Variants in CLOCK observed in about 807,000 individuals in gnomAD.
The protein encoded by CLOCK is clock circadian regulator.
A neutral mutation model predicts 118.4 loss-of-function variants in CLOCK; 43 were observed. The observed-to-expected ratio is 0.36, with a 90% CI of 0.28 to 0.47. The LOEUF is 0.47. CLOCK is among the 20% of genes least tolerant of loss of function. The pLI, the probability that CLOCK is intolerant of heterozygous loss-of-function variation, is 1.00. For synonymous variants in CLOCK, 326 were observed against 339.2 expected (o/e 0.96, Z 0.43); for missense variants, 846 against 999.9 (o/e 0.85, Z 2.08).
chr4:55,513,366 CTA>C (rs1348268161), intron 1 of CLOCK, among the ~76,000 whole-genome samples: 36 of 152,082 alleles, frequency 2.4e-4, no homozygotes, highest in South Asian at 2.1e-4. Flanking sequence ...TAAATATACT[CTA>C]TGTTATTTGA....
chr4:55,507,940 G>A (rs1247130353), intron 2 of CLOCK, among the ~76,000 whole-genome samples: 1 of 152,138 alleles, frequency 6.6e-6, no homozygotes, highest in East Asian at 1.9e-4. Flanking sequence ...TTTTCAGACA[G>A]TAAAGGTATT....
intron 4 of CLOCK, 66 bp downstream of exon 4, chr4:55,482,673 C>A: frequency 9.4e-7 from 1 of 1,063,186 alleles, no homozygotes; most frequent in South Asian, 1.5e-5. Flanking sequence ...TTCATATAGA[C>A]CATTATTCTA....
chr4:55,538,973 T>G (rs1484146551), intron 1 of CLOCK, among the ~76,000 whole-genome samples: 1 of 152,210 alleles, frequency 6.6e-6, no homozygotes, highest in Non-Finnish European at 1.5e-5. Flanking sequence ...GGCTCATGCC[T>G]GTAATCCTAG....
chr4:55,510,128 G>C (rs1319336865), intron 1 of CLOCK, 63 bp from the exon 2 acceptor site: 1 of 152,138 alleles, frequency 6.6e-6, no homozygotes, highest in Non-Finnish European at 1.5e-5. Context: ...ATTATCACTA[G>C]TATTTTTGTT....
rs1016031959 is a variant in CLOCK at position 55,448,583 on chromosome 4, T to TGCGC, written c.1539+192_1539+195dup. Among the ~76,000 whole-genome samples the TGCGC allele has an allele frequency of 1.2e-3, 127 of 106,038 alleles. 1 individual carries two copies. The highest frequency in any genetic ancestry group is 8.8e-4 in the Non-Finnish European group (43 of 48,822). 69.6% of individuals were successfully genotyped at this position (106,038 alleles called of 152,430 possible). On this transcript the variant is annotated intron_variant, in intron 18 of 22. Transcript: ENST00000513440. ...GCATCTGTAACTATAATTATATATGTGCGCGCGCGCACGCGCGCGTGTGTG... is the reference window on the plus strand; with the variant it reads ...GCATCTGTAACTATAATTATATATGTGCGCGCGCGCGCGCACGCGCGCGTGTGTG...
At chr4:55,545,541 T>C (rs1731557307) in intron 1 of CLOCK, 1 of 152,192 alleles carries the variant, frequency 6.6e-6, no homozygotes, top group Non-Finnish European at 1.5e-5. Flanking sequence ...AAAATTTTTT[T>C]ATTTTTTAAA....
intron 2 of CLOCK, among the ~76,000 whole-genome samples, chr4:55,507,124 A>C (rs904780170): frequency 1.3e-5 from 2 of 152,056 alleles, no homozygotes; most frequent in Non-Finnish European, 2.9e-5. Flanking sequence ...GAGCAGCCTA[A>C]GCAGCATAGT....
At chr4:55,444,913 CT>C in intron 18 of CLOCK, 128 bp from the exon 19 acceptor site, 1 of 952,020 alleles carries the variant, frequency 1.1e-6, no homozygotes, top group Non-Finnish European at 1.6e-6. Flanking sequence ...AGTTATGTCC[CT>C]TAGTTTCTAA....
chr4:55,519,500 C>T (rs1729725122), intron 1 of CLOCK, among the ~76,000 whole-genome samples: 1 of 152,080 alleles, frequency 6.6e-6, no homozygotes, highest in Admixed American at 6.6e-5. Flanking sequence ...GAATAAATGT[C>T]ATTGGACCAG....
intron 9 of CLOCK, among the ~76,000 whole-genome samples, chr4:55,460,619 ATATGTATTCAT>A (rs1275859721): frequency 6.6e-6 from 1 of 152,156 alleles, no homozygotes; most frequent in Non-Finnish European, 1.5e-5. Context: ...GGTAACCGAA[ATATGTATTCAT>A]TATGCCTCCA....
chr4:55,481,671 T>G (rs1726943578), intron 4 of CLOCK, among the ~76,000 whole-genome samples: 2 of 150,616 alleles, frequency 1.3e-5, no homozygotes, highest in African/African-American at 4.9e-5. Flanking sequence ...AAAAGTCACT[T>G]CTGTGTACAA....
At chr4:55,476,350 A>T (rs1435180624) in intron 6 of CLOCK, among the ~76,000 whole-genome samples, 1 of 152,138 alleles carries the variant, frequency 6.6e-6, no homozygotes, top group Non-Finnish European at 1.5e-5. Context: ...TGACACAATG[A>T]CCAAAGAAGA....
At chr4:55,441,267 A>C (rs1418021720) in intron 21 of CLOCK, among the ~76,000 whole-genome samples, 2 of 152,202 alleles carry the variant, frequency 1.3e-5, no homozygotes, top group East Asian at 1.9e-4. Flanking sequence ...GTCAAAAAAC[A>C]ATAATGTTGG....
intron 2 of CLOCK, among the ~76,000 whole-genome samples, chr4:55,496,234 A>C (rs58476959): frequency 0.29 from 43,892 of 151,276 alleles, 6,514 homozygotes; most frequent in South Asian, 0.38. Context: ...AAAACTGACA[A>C]TATAGCTCTA....
chr4:55,433,483 GGC>G lies in CLOCK; in HGVS notation c.*1930_*1931del, dbSNP rs1261060297. 1 of 152,288 alleles carries G rather than the reference GGC, an allele frequency of 6.6e-6. No homozygotes were observed. Among genetic ancestry groups the G allele is most frequent in the Non-Finnish European group, 1.5e-5 (1 of 68,038 alleles). 9.4% of individuals were successfully genotyped at this position (152,288 alleles called of 1,614,324 possible). On this transcript the variant is annotated 3_prime_UTR_variant, in exon 23 of 23. Transcript: ENST00000513440. ...AGAGGACAGAGAAGTCTTAAGAACT[GGC>G]TTAGCATTCCCCTGACCTCTTTACC...
chr4:55,528,395 A>G (rs946645664), intron 1 of CLOCK, among the ~76,000 whole-genome samples: 2 of 152,076 alleles, frequency 1.3e-5, no homozygotes, highest in African/African-American at 4.8e-5. Context: ...TTTAAGGGTG[A>G]AGTGACTATT....
At chr4:55,506,716 C>T (rs1020975006) in intron 2 of CLOCK, among the ~76,000 whole-genome samples, 1 of 152,042 alleles carries the variant, frequency 6.6e-6, no homozygotes, top group African/African-American at 2.4e-5. Context: ...CCCGCCACCA[C>T]ACCTGGCTAA....
chr4:55,460,123 T>C (rs2109806212), intron 9 of CLOCK, among the ~76,000 whole-genome samples: 1 of 152,326 alleles, frequency 6.6e-6, no homozygotes, highest in African/African-American at 2.4e-5. Context: ...TCTACAGCAA[T>C]TATTCTTCTC....
intron 6 of CLOCK, among the ~76,000 whole-genome samples, chr4:55,477,705 G>A (rs1203829349): frequency 6.6e-6 from 1 of 152,062 alleles, no homozygotes; most frequent in South Asian, 2.1e-4. Context: ...TAGGTTAATA[G>A]AGACACAATA....
Sources: gnomAD v4.1 joint callset for allele counts (sites outside exome capture counted in the v4.1 genomes callset) on GRCh38, gnomAD v4.1.1 for gene constraint, MANE v1.5 for transcripts, NCBI Gene and HGNC (gene_info 2026-07-23, HGNC 2026-07-21) for gene names.